The following CD164L2 variants were observed in gnomAD, a reference collection of about 807,000 sequenced individuals.
CD164L2 encodes the protein CD164 molecule like 2.
A neutral mutation model predicts 23.9 loss-of-function variants in CD164L2; 21 were observed. The ratio of observed to expected loss-of-function variants is 0.88; its 90% CI spans 0.62 to 1.27. CD164L2 has a LOEUF of 1.27. Ranked by LOEUF, CD164L2 falls within the 50% of genes most tolerant of loss-of-function variation. The pLI, the probability that CD164L2 is intolerant of heterozygous loss-of-function variation, is 0.00. For missense variants in CD164L2, 230 were observed against 224.8 expected, an observed-to-expected ratio of 1.02 and a Z score of -0.15; for synonymous variants, 92 against 90.2, an observed-to-expected ratio of 1.02 and a Z score of -0.11.
chr1:27,380,229 G>A, intron 4 of CD164L2, 34 bp from the exon 5 acceptor site: 2 of 1,595,654 alleles, frequency 1.3e-6, no homozygotes, highest in Non-Finnish European at 1.7e-6. Context: ...GGTCATAGCA[G>A]TCACTGTGAA....
Position 27,380,107 on chromosome 1 carries a change from C to A in CD164L2, c.462G>T (p.Ala154=), listed in dbSNP as rs184338267. Reference sequence around the variant, plus strand: ...GGAAGTGCAGCACAAAGAAAGCCACCGCCTGTAGGCTCAACACCAGCACGA... The same window carrying A: ...GGAAGTGCAGCACAAAGAAAGCCACAGCCTGTAGGCTCAACACCAGCACGA... ...GGVVLVLSLQ[A]VAFFVLHFLK... Residue 154 remains alanine (A), a synonymous_variant, in exon 5 of 6, where the codon GCG becomes GCT. Transcript: ENST00000374030. 2 of 1,614,074 alleles carry A rather than the reference C, an allele frequency of 1.2e-6. No homozygotes were observed. The highest frequency in any genetic ancestry group is 1.7e-6 in the Non-Finnish European group (2 of 1,179,946).
intron 2 of CD164L2, 48 bp downstream of exon 2, chr1:27,382,452 G>T: frequency 1.9e-6 from 3 of 1,584,826 alleles, no homozygotes; most frequent in Non-Finnish European, 2.6e-6. Context: ...CAGGGCCTTG[G>T]GGTTCAGAGC....
chr1:27,379,474 C>A lies in CD164L2; in HGVS notation c.*29G>T. ...GGCCACCCTCTGCATCCTCCTTTCCCCTCAGGATGGAGTCCAGGCCCAAAG... is the reference window on the plus strand; with the variant it reads ...GGCCACCCTCTGCATCCTCCTTTCCACTCAGGATGGAGTCCAGGCCCAAAG... On this transcript the variant is annotated 3_prime_UTR_variant, in exon 6 of 6. Transcript: ENST00000374030. The A allele has an allele frequency of 6.5e-7, 1 of 1,546,210 alleles. No homozygotes were observed. The highest frequency in any genetic ancestry group is 8.7e-7 in the Non-Finnish European group (1 of 1,143,042).
At chr1:27,382,425 G>A in intron 2 of CD164L2, 26 bp from the exon 3 acceptor site, 4 of 1,591,214 alleles carry the variant, frequency 2.5e-6, no homozygotes, top group Admixed American at 1.7e-5. Flanking sequence ...GCAGGGGGGA[G>A]GTTTGGGGAG....
rs567280869 is a variant in CD164L2 at position 27,379,418 on chromosome 1, C to T, written c.*85G>A. ...TGGCGGCCAGAGTTTTTCCCGCCCC[C>T]GCCCCCCGCTTACCCACAAGGGTGC... On this transcript the variant is annotated 3_prime_UTR_variant, in exon 6 of 6. Coordinates refer to ENST00000374030, the MANE Select transcript of CD164L2 (RefSeq NM_001330448.1). 4.4e-6 allele frequency: 5 copies of T among 1,126,544 alleles called. No individual in the cohort carries two copies. Among genetic ancestry groups the T allele is most frequent in the South Asian group, 4.0e-5 (3 of 75,440 alleles). 69.8% of individuals were successfully genotyped at this position (1,126,544 alleles called of 1,614,324 possible). A position where few individuals can be genotyped will look rare whatever the true frequency, so the allele number is the denominator to read the frequency against.
At chr1:27,380,320 G>A in intron 4 of CD164L2, 125 bp from the exon 5 acceptor site, 1 of 862,046 alleles carries the variant, frequency 1.2e-6, no homozygotes, top group Non-Finnish European at 1.8e-6. Flanking sequence ...TTAAACCCTG[G>A]GCTCCGTTTA....
Position 27,382,487 on chromosome 1 carries a change from C to A in CD164L2, c.256+13G>T. On this transcript the variant is annotated intron_variant, in intron 2 of 5. Transcript: ENST00000374030. Reference sequence around the variant, plus strand: ...CTGGGGGCACTCAATCTGGGGAGGGCTCAGCTCCATACCTGGCTCCTCTGG... The same window carrying A: ...CTGGGGGCACTCAATCTGGGGAGGGATCAGCTCCATACCTGGCTCCTCTGG... 6.3e-7 allele frequency: 1 copy of A among 1,594,702 alleles called. No homozygotes were observed. Among genetic ancestry groups the A allele is most frequent in the Non-Finnish European group, 8.6e-7 (1 of 1,167,622 alleles).
rs1357294918 is a variant in CD164L2 at position 27,379,660 on chromosome 1, C to G, written c.519-151G>C. The G allele has an allele frequency of 4.0e-6, 6 of 1,511,892 alleles. No homozygotes were observed. The East Asian group carries it at 1.5e-4, about 37-fold the overall frequency. 93.7% of individuals were successfully genotyped at this position (1,511,892 alleles called of 1,614,324 possible). Reference sequence around the variant, plus strand: ...ACAGCACACACGGCACACAGAGGGCCTCAGGCACAGCTCCCCTTCTCAGAG... The same window carrying G: ...ACAGCACACACGGCACACAGAGGGCGTCAGGCACAGCTCCCCTTCTCAGAG... On this transcript the variant is annotated intron_variant, in intron 5 of 5. Transcript: ENST00000374030.
chr1:27,379,319 T>A lies in CD164L2; in HGVS notation c.*184A>T, dbSNP rs2016294683. The A allele has an allele frequency of 1.6e-6, 1 of 626,558 alleles. No individual in the cohort carries two copies. The highest frequency in any genetic ancestry group is 1.8e-5 in the African/African-American group (1 of 54,404). 38.8% of individuals were successfully genotyped at this position (626,558 alleles called of 1,614,324 possible). ...GTTGAGGGATTTTCTCAGCTGCAGG[T>A]TCCAGGCCCAGGACAGGAGGAGATG... On this transcript the variant is annotated 3_prime_UTR_variant, in exon 6 of 6. Transcript: ENST00000374030.
rs980165835 is a variant in CD164L2, at chr1:27,379,731, G to GA, written c.519-223dup. On this transcript the variant is annotated intron_variant, in intron 5 of 5. Coordinates refer to ENST00000374030, the MANE Select transcript of CD164L2 (RefSeq NM_001330448.1). ...GGCCCAGCTCCTGCCCACAGCCACAGAAACGCGGGCCACAGGCTTGCCTGG... is the reference window on the plus strand; with the variant it reads ...GGCCCAGCTCCTGCCCACAGCCACAGAAAACGCGGGCCACAGGCTTGCCTGG... 14 of 1,447,182 alleles carry GA rather than the reference G, an allele frequency of 9.7e-6. No individual in the cohort carries two copies. In the Admixed American group the frequency reaches 2.2e-4, roughly 23 times the overall value. The allele number at this position is 1,447,182 out of a possible 1,614,324, so 89.6% of individuals were successfully genotyped here.
Position 27,379,258 on chromosome 1 carries a change from G to C in CD164L2, c.*245C>G. ...CAGGCATACAACCCACTGTCAGGCTGGGGGGCCCAGCAGGGGCGATGGAGG... is the reference window on the plus strand; with the variant it reads ...CAGGCATACAACCCACTGTCAGGCTCGGGGGCCCAGCAGGGGCGATGGAGG... On this transcript the variant is annotated 3_prime_UTR_variant, in exon 6 of 6. Coordinates refer to ENST00000374030, the MANE Select transcript of CD164L2 (RefSeq NM_001330448.1). 1 of 586,152 alleles carries C rather than the reference G, an allele frequency of 1.7e-6. No homozygotes were observed. The highest frequency in any genetic ancestry group is 4.5e-4 in the Middle Eastern group (1 of 2,198). The allele number at this position is 586,152 out of a possible 1,614,324, so 36.3% of individuals were successfully genotyped here.
At chr1:27,379,963 C>G (rs1466019155) in intron 5 of CD164L2, 88 bp downstream of exon 5, 1 of 1,564,064 alleles carries the variant, frequency 6.4e-7, no homozygotes, top group Non-Finnish European at 8.7e-7. Flanking sequence ...ATGGAGAAGA[C>G]AGCACCCTGG....
In CD164L2 at chr1:27,379,905, G is replaced by A. The variant is rs564064762; in HGVS notation, c.518+146C>T. Reference sequence around the variant, plus strand: ...ACACCCCAACTGGAGGAGACAAAAGGGGTGTGGCTCACATGGAGCACGCTG... The same window carrying A: ...ACACCCCAACTGGAGGAGACAAAAGAGGTGTGGCTCACATGGAGCACGCTG... On this transcript the variant is annotated intron_variant, in intron 5 of 5. Coordinates refer to ENST00000374030, the MANE Select transcript of CD164L2 (RefSeq NM_001330448.1). The A allele has an allele frequency of 4.7e-4, 711 of 1,513,148 alleles. 4 individuals carry two copies. In the African/African-American group the frequency reaches 6.2e-3, roughly 13 times the overall value. 93.7% of individuals were successfully genotyped at this position (1,513,148 alleles called of 1,614,324 possible).
Position 27,383,154 on chromosome 1 carries a change from G to A in CD164L2, c.86C>T (p.Ala29Val). The change falls in exon 1 of 6, where the codon GCT becomes GTT. Residue 29 changes from alanine (A) to valine (V), a missense_variant and splice_region_variant. Ala to Val is a moderately conservative substitution (Grantham distance 64). Transcript: ENST00000374030. ...AGCCAGACCCTGCCGCGAGTTACCA[G>A]CCACAGCCAGCTGGGCACATAGGAG... Reference protein sequence around the residue: ...CLLLCAQLAVAGKGARGFGRG... With the variant: ...CLLLCAQLAVVGKGARGFGRG... The A allele has an allele frequency of 6.5e-7, 1 of 1,548,296 alleles. No individual in the cohort carries two copies. The highest frequency in any genetic ancestry group is 8.7e-7 in the Non-Finnish European group (1 of 1,146,354).
chr1:27,381,451 C>T (rs112027781), intron 4 of CD164L2, among the ~76,000 whole-genome samples: 5 of 152,160 alleles, frequency 3.3e-5, no homozygotes, highest in African/African-American at 7.2e-5. Context: ...CTGAGCAACT[C>T]GAGCCACACA....
rs749382625 is a variant in CD164L2, at chr1:27,380,055, T to C, written c.514A>G (p.Thr172Ala). 4.0e-5 allele frequency: 64 copies of C among 1,613,686 alleles called. No homozygotes were observed. Among genetic ancestry groups the C allele is most frequent in the Non-Finnish European group, 5.3e-5 (62 of 1,179,774 alleles). Residue 172 changes from threonine (T) to alanine (A), a missense_variant, in exon 5 of 6, where the codon ACG becomes GCG. Coordinates refer to ENST00000374030, the MANE Select transcript of CD164L2 (RefSeq NM_001330448.1). Reference sequence around the variant, plus strand: ...TGCTGCTGGCCAGGTACTCACAGCGTCTGGTAGGTGCTGTCCTTGGCCTTG... The same window carrying C: ...TGCTGCTGGCCAGGTACTCACAGCGCCTGGTAGGTGCTGTCCTTGGCCTTG... ...FLKAKDSTYQTLI is the reference protein window; with the variant it reads ...FLKAKDSTYQALI
intron 4 of CD164L2, among the ~76,000 whole-genome samples, chr1:27,380,582 C>G (rs1160969925): frequency 6.6e-6 from 1 of 152,332 alleles, no homozygotes; most frequent in East Asian, 1.9e-4. Context: ...CCCCTGCTCA[C>G]AATTCCTTTC....
intron 4 of CD164L2, 102 bp from the exon 5 acceptor site, chr1:27,380,297 C>T: frequency 9.2e-7 from 1 of 1,089,628 alleles, no homozygotes; most frequent in Non-Finnish European, 1.3e-6. Context: ...CCCCGGTCCT[C>T]AATATGGGGT....
chr1:27,382,666 A>T lies in CD164L2; in HGVS notation c.90T>A (p.Gly30=), dbSNP rs1271706271. 6.2e-7 allele frequency: 1 copy of T among 1,609,140 alleles called. No homozygotes were observed. Among genetic ancestry groups the T allele is most frequent in the Non-Finnish European group, 8.5e-7 (1 of 1,178,206 alleles). The change falls in exon 2 of 6, where the codon GGT becomes GGA. Residue 30 remains glycine (G), a splice_region_variant and synonymous_variant. Transcript: ENST00000374030. ...LLLCAQLAVA[G]KGARGFGRGA... ...CCCTCCCAAAGCCTCGAGCTCCTTTACCTGGTAGTGCGGTGGAGTGGGAAG... is the reference window on the plus strand; with the variant it reads ...CCCTCCCAAAGCCTCGAGCTCCTTTTCCTGGTAGTGCGGTGGAGTGGGAAG...
Sources: gnomAD v4.1 joint callset for allele counts (sites outside exome capture counted in the v4.1 genomes callset) on GRCh38, gnomAD v4.1.1 for gene constraint, MANE v1.5 for transcripts, NCBI Gene and HGNC (gene_info 2026-07-23, HGNC 2026-07-21) for gene names.